The following CCDC7 variants were observed in gnomAD, a reference collection of about 807,000 sequenced individuals.
CCDC7 encodes coiled-coil domain-containing protein 7.
A neutral mutation model predicts 196.9 loss-of-function variants in CCDC7; 183 were observed. That is an observed-to-expected ratio of 0.93 (90% CI 0.82 to 1.05). The LOEUF is 1.05. CCDC7 is among the 50% of genes least tolerant of loss of function. The pLI is 0.00. For missense variants in CCDC7, 1,540 were observed against 1,482.2 expected (o/e 1.04, Z -0.64); for synonymous variants, 525 against 484.6 (o/e 1.08, Z -1.10).
At chr10:32,702,819 C>T (rs562063932) in intron 24 of CCDC7, among the ~76,000 whole-genome samples, 97 of 152,260 alleles carry the variant, frequency 6.4e-4, no homozygotes, top group Admixed American at 2.0e-3. Context: ...TCTGTTTTAT[C>T]CAAGACTAGG....
At chr10:32,768,038 C>T (rs1399924354) in intron 28 of CCDC7, among the ~76,000 whole-genome samples, 1 of 151,772 alleles carries the variant, frequency 6.6e-6, no homozygotes, top group African/African-American at 2.4e-5. Context: ...ATTACTGACT[C>T]AAAGACAGGC....
At chr10:32,816,355 G>C (rs139183519) in intron 31 of CCDC7, among the ~76,000 whole-genome samples, 23,169 of 152,162 alleles carry the variant, frequency 0.15, 2,233 homozygotes, top group South Asian at 0.25. Flanking sequence ...AAACTGGGTG[G>C]AGCCCACCGC....
intron 28 of CCDC7, among the ~76,000 whole-genome samples, chr10:32,733,338 T>C (rs1221851449): frequency 6.6e-6 from 1 of 152,142 alleles, no homozygotes. Flanking sequence ...ACAGAGGTTT[T>C]TTGATAAATT....
At chr10:32,791,898 C>CA (rs2082755911) in intron 29 of CCDC7, among the ~76,000 whole-genome samples, 1 of 151,896 alleles carries the variant, frequency 6.6e-6, no homozygotes, top group Non-Finnish European at 1.5e-5. Context: ...AGATTCAGTC[C>CA]AAAAAAGTCA....
chr10:32,811,817 C>T (rs1192926128), intron 30 of CCDC7, among the ~76,000 whole-genome samples: 4 of 151,976 alleles, frequency 2.6e-5, no homozygotes, highest in African/African-American at 9.7e-5. Flanking sequence ...ATAAAAATCC[C>T]CAACAAAATG....
chr10:32,469,361 A>G (rs1320057921), intron 5 of CCDC7, among the ~76,000 whole-genome samples: 2 of 152,226 alleles, frequency 1.3e-5, no homozygotes, highest in Non-Finnish European at 2.9e-5. Context: ...CAGAATATGA[A>G]TATCCCCAAT....
At chr10:32,880,195 A>C (rs2094738023), downstream of CCDC7, among the ~76,000 whole-genome samples, 1 of 152,134 alleles carries the variant, frequency 6.6e-6, no homozygotes, top group Non-Finnish European at 1.5e-5. Flanking sequence ...CTATTTCTCC[A>C]TAGCATCGCC....
intron 40 of CCDC7, among the ~76,000 whole-genome samples, chr10:32,853,141 G>GT (rs1490755292): frequency 2.6e-5 from 4 of 151,380 alleles, no homozygotes; most frequent in Non-Finnish European, 5.9e-5. Flanking sequence ...GTAGCTCCTG[G>GT]TTTTTCCTAT....
intron 33 of CCDC7, among the ~76,000 whole-genome samples, chr10:32,841,740 TAC>T (rs2092987006): frequency 6.6e-6 from 1 of 152,094 alleles, no homozygotes; most frequent in South Asian, 2.1e-4. Flanking sequence ...AACAGCATGG[TAC>T]TGGTATAAAA....
At chr10:32,518,101 G>T in intron 10 of CCDC7, 126 bp downstream of exon 11, 1 of 1,208,448 alleles carries the variant, frequency 8.3e-7, no homozygotes, top group Non-Finnish European at 1.1e-6. Context: ...TAAGAGATTT[G>T]TATGCATATG....
intron 24 of CCDC7, among the ~76,000 whole-genome samples, chr10:32,695,288 A>G (rs758515532): frequency 6.6e-6 from 1 of 152,224 alleles, no homozygotes; most frequent in Admixed American, 6.5e-5. Flanking sequence ...TATGAGTCCA[A>G]GTGTTCAACA....
intron 8 of CCDC7, among the ~76,000 whole-genome samples, chr10:32,476,357 GTT>G (rs574173540): frequency 0.84 from 127,106 of 152,190 alleles, 53,683 homozygotes; most frequent in Non-Finnish European, 0.9. Context: ...GTTCCTCTGT[GTT>G]TCAATAGTTT....
intron 8 of CCDC7, among the ~76,000 whole-genome samples, chr10:32,485,540 T>C (rs1447289680): frequency 6.6e-6 from 1 of 152,210 alleles, no homozygotes; most frequent in African/African-American, 2.4e-5. Context: ...CTGCTAGCTT[T>C]TGAATGTGTT....
At chr10:32,474,419 A>G (rs1160435033) in intron 8 of CCDC7, among the ~76,000 whole-genome samples, 7 of 146,414 alleles carry the variant, frequency 4.8e-5, no homozygotes, top group Admixed American at 4.1e-4. Context: ...TTTTTTTTTT[A>G]GTAGAGAGAG....
intron 20 of CCDC7, among the ~76,000 whole-genome samples, chr10:32,645,856 T>G (rs1389052343): frequency 1.3e-5 from 2 of 152,214 alleles, no homozygotes; most frequent in East Asian, 1.9e-4. Flanking sequence ...TTATGATCCT[T>G]TGTATTTCTG....
Position 32,556,381 on chromosome 10 carries a change from A to T in CCDC7, c.1135-9177A>T, listed in dbSNP as rs1026089497. Among the ~76,000 whole-genome samples, 177 of 152,208 alleles carry T rather than the reference A, an allele frequency of 1.2e-3. 2 individuals carry two copies. Among genetic ancestry groups the T allele is most frequent in the Non-Finnish European group, 8.8e-5 (6 of 68,012 alleles). ...TGGTTCCAGCAAGTACAGTAGTTTG[A>T]TGTTGTCTGGTACCTAGACTCCTTA... On this transcript the variant is annotated intron_variant, in intron 13 of 41. Coordinates refer to ENST00000639629, the Ensembl canonical transcript of CCDC7.
intron 26 of CCDC7, among the ~76,000 whole-genome samples, chr10:32,727,645 T>C (rs144047014): frequency 6.4e-4 from 98 of 151,986 alleles, no homozygotes; most frequent in African/African-American, 2.2e-3. Context: ...TTTTATTAGG[T>C]TGGTGCAAAA....
rs778715994 is a variant in CCDC7 at position 32,451,890 on chromosome 10, T to C, written c.248T>C (p.Met83Thr). 5.0e-6 allele frequency: 8 copies of C among 1,611,414 alleles called. No individual in the cohort carries two copies. The East Asian group carries it at 1.6e-4, about 31-fold the overall frequency. ...AAGAACTTACTACCAGAAGATGAAA[T>C]GATCGGAAAAATTATCAAACATCTG... is the stretch of plus-strand genomic sequence containing the variant. Residue 83 changes from methionine to threonine, a missense_variant, in exon 1 of 42, where the codon ATG becomes ACG. By Grantham distance (81) the Met-to-Thr change is moderately conservative (BLOSUM62 -1). Coordinates refer to ENST00000639629, the Ensembl canonical transcript of CCDC7.
chr10:32,815,371 C>G (rs1300864811), intron 31 of CCDC7, among the ~76,000 whole-genome samples: 1 of 152,000 alleles, frequency 6.6e-6, no homozygotes, highest in Non-Finnish European at 1.5e-5. Context: ...CAATAACAAT[C>G]TTTTATCAAA....
Sources: gnomAD v4.1 joint callset for allele counts (sites outside exome capture counted in the v4.1 genomes callset) on GRCh38, gnomAD v4.1.1 for gene constraint, MANE v1.5 for transcripts, NCBI Gene and HGNC (gene_info 2026-07-23, HGNC 2026-07-21) for gene names.